The following PCDH9 variants were observed in gnomAD, a reference collection of about 807,000 sequenced individuals.
PCDH9 encodes the protein protocadherin 9.
Under a neutral mutation model 70.6 loss-of-function variants are expected in PCDH9, and 24 were observed. That is an observed-to-expected ratio of 0.34 (90% CI 0.25 to 0.48). PCDH9 has a LOEUF of 0.48. Ranked by LOEUF, PCDH9 falls within the 20% of genes least tolerant of loss-of-function variation. The probability of loss-of-function intolerance (pLI) is 0.99; values close to 1 mark genes in which losing one functional copy is unlikely to be tolerated. For synonymous variants in PCDH9, 562 were observed against 558.5 expected (o/e 1.01, Z -0.09); for missense variants, 1,281 against 1,503.6 (o/e 0.85, Z 2.45).
chr13:67,127,283 C>T (rs762230938), intron 2 of PCDH9, among the ~76,000 whole-genome samples: 1 of 152,140 alleles, frequency 6.6e-6, no homozygotes, highest in Non-Finnish European at 1.5e-5. Flanking sequence ...TGAAGCCATC[C>T]TCATCCAAGG....
chr13:66,932,679 T>TAC (rs1476245366), intron 2 of PCDH9, among the ~76,000 whole-genome samples: 27 of 143,304 alleles, frequency 1.9e-4, no homozygotes, highest in Non-Finnish European at 2.8e-4. Flanking sequence ...TATATATATA[T>TAC]ATACACACAC....
chr13:66,451,133 A>T (rs531359736), intron 4 of PCDH9, among the ~76,000 whole-genome samples: 1 of 152,362 alleles, frequency 6.6e-6, no homozygotes, highest in African/African-American at 2.4e-5. Context: ...CGTTGTGCAC[A>T]TGTACCCCAG....
At chr13:66,503,355 CT>C (rs1566375036) in intron 4 of PCDH9, among the ~76,000 whole-genome samples, 1 of 151,530 alleles carries the variant, frequency 6.6e-6, no homozygotes, top group East Asian at 1.9e-4. Flanking sequence ...CCAAACTCCC[CT>C]GGGAGACTGT....
intron 2 of PCDH9, among the ~76,000 whole-genome samples, chr13:67,075,087 A>G (rs1275146514): frequency 6.6e-6 from 1 of 152,018 alleles, no homozygotes; most frequent in Non-Finnish European, 1.5e-5. Context: ...CAAAAAAAAA[A>G]ATGCAACTTC....
intron 4 of PCDH9, among the ~76,000 whole-genome samples, chr13:66,555,654 C>T (rs1305411525): frequency 8.7e-6 from 1 of 115,544 alleles, no homozygotes; most frequent in African/African-American, 3.0e-5. Flanking sequence ...TTGACATTTT[C>T]ATTTTTTAGC....
intron 4 of PCDH9, among the ~76,000 whole-genome samples, chr13:66,312,013 G>T (rs766755884): frequency 3.9e-5 from 6 of 152,016 alleles, no homozygotes; most frequent in Non-Finnish European, 5.9e-5. Context: ...AAAGACTATT[G>T]TATAGAATAT....
intron 3 of PCDH9, among the ~76,000 whole-genome samples, chr13:66,653,590 G>A (rs9540859): frequency 0.067 from 10,146 of 152,142 alleles, 434 homozygotes; most frequent in Middle Eastern, 0.099. Context: ...CAATCACTAT[G>A]GAGAACAGTT....
chr13:66,804,630 T>A (rs1307115065), intron 3 of PCDH9, among the ~76,000 whole-genome samples: 1 of 152,188 alleles, frequency 6.6e-6, no homozygotes, highest in East Asian at 1.9e-4. Context: ...AATTTGTTGT[T>A]AACTAATTGG....
At chr13:67,063,819 T>C (rs2085587623) in intron 2 of PCDH9, among the ~76,000 whole-genome samples, 1 of 152,144 alleles carries the variant, frequency 6.6e-6, no homozygotes, top group Admixed American at 6.6e-5. Flanking sequence ...AAAGTAGATA[T>C]TGTTTCTATT....
At chr13:67,124,556 C>T (rs947803511) in intron 2 of PCDH9, among the ~76,000 whole-genome samples, 12 of 152,088 alleles carry the variant, frequency 7.9e-5, no homozygotes, top group Admixed American at 5.2e-4. Flanking sequence ...TGCTATAAAA[C>T]AATAAACATA....
intron 3 of PCDH9, among the ~76,000 whole-genome samples, chr13:66,712,876 C>T (rs2078814624): frequency 6.6e-6 from 1 of 152,118 alleles, no homozygotes; most frequent in African/African-American, 2.4e-5. Context: ...CCCTCAATGA[C>T]AATCCTAAAT....
chr13:66,586,820 T>C (rs1384467510), intron 4 of PCDH9, among the ~76,000 whole-genome samples: 1 of 152,040 alleles, frequency 6.6e-6, no homozygotes, highest in Non-Finnish European at 1.5e-5. Flanking sequence ...AATTCAAAGT[T>C]CCTGGTTAAC....
intron 3 of PCDH9, among the ~76,000 whole-genome samples, chr13:66,661,306 G>A (rs984114546): frequency 6.6e-6 from 1 of 152,174 alleles, no homozygotes; most frequent in Admixed American, 6.5e-5. Flanking sequence ...AGTGCTAGGA[G>A]GATGAGTGTC....
chr13:67,162,333 C>A (rs2087986063), intron 2 of PCDH9, among the ~76,000 whole-genome samples: 1 of 152,202 alleles, frequency 6.6e-6, no homozygotes, highest in Admixed American at 6.5e-5. Flanking sequence ...TCAAAAAAAT[C>A]TGACTCTCTG....
chr13:67,121,033 G>T (rs2086868486), intron 2 of PCDH9, among the ~76,000 whole-genome samples: 1 of 151,992 alleles, frequency 6.6e-6, no homozygotes, highest in African/African-American at 2.4e-5. Flanking sequence ...ACGTCCTACT[G>T]TATGCTAGGT....
intron 2 of PCDH9, among the ~76,000 whole-genome samples, chr13:67,037,670 G>A (rs1163787766): frequency 1.3e-5 from 2 of 152,190 alleles, no homozygotes; most frequent in Non-Finnish European, 2.9e-5. Flanking sequence ...CTCTTTCAGT[G>A]AGAACTGTAG....
chr13:66,928,066 A>C (rs1235904937), intron 2 of PCDH9, among the ~76,000 whole-genome samples: 4 of 152,056 alleles, frequency 2.6e-5, no homozygotes, highest in Admixed American at 2.6e-4. Flanking sequence ...CACATTTAAC[A>C]TATTTCCTCT....
intron 4 of PCDH9, among the ~76,000 whole-genome samples, chr13:66,621,486 A>T (rs977308159): frequency 6.6e-6 from 1 of 152,220 alleles, no homozygotes; most frequent in African/African-American, 2.4e-5. Context: ...TTTGAGGAAA[A>T]GGTATAAGGT....
intron 2 of PCDH9, among the ~76,000 whole-genome samples, chr13:67,110,509 C>A (rs548076244): frequency 1.1e-5 from 1 of 88,258 alleles, no homozygotes; most frequent in Admixed American, 1.6e-4. Flanking sequence ...GACTCCACTC[C>A]ATCTCAAAAA....
Sources: gnomAD v4.1 joint callset for allele counts (sites outside exome capture counted in the v4.1 genomes callset) on GRCh38, gnomAD v4.1.1 for gene constraint, MANE v1.5 for transcripts, NCBI Gene and HGNC (gene_info 2026-07-23, HGNC 2026-07-21) for gene names.